Variants in ASTN2 observed in about 807,000 individuals in gnomAD.
ASTN2 encodes the protein astrotactin-2.
In ASTN2, 54 loss-of-function variants were observed where a neutral mutation model predicts 139.8. The observed-to-expected ratio is 0.39, with a 90% CI of 0.31 to 0.48. The LOEUF is 0.48. ASTN2 is among the 20% of genes least tolerant of loss of function. ASTN2 has a pLI of 0.95. For missense variants in ASTN2, 1,565 were observed against 1,725.1 expected (o/e 0.91, Z 1.64); for synonymous variants, 756 against 719.5 (o/e 1.05, Z -0.81).
At chr9:117,047,091 C>T (rs1439688540) in intron 5 of ASTN2, among the ~76,000 whole-genome samples, 1 of 152,140 alleles carries the variant, frequency 6.6e-6, no homozygotes, top group Non-Finnish European at 1.5e-5. Context: ...TCCCACAGCA[C>T]CTGAGCTCTG....
At chr9:116,936,225 TACCACCATCACC>T (rs1835077301) in intron 10 of ASTN2, among the ~76,000 whole-genome samples, 1 of 76,972 alleles carries the variant, frequency 1.3e-5, no homozygotes. Context: ...CCACCACCAC[TACCACCATCACC>T]ACCACCACCA....
At chr9:117,289,546 G>T (rs540424465) in intron 2 of ASTN2, among the ~76,000 whole-genome samples, 1 of 152,156 alleles carries the variant, frequency 6.6e-6, no homozygotes, top group African/African-American at 2.4e-5. Context: ...TTACAAGAAG[G>T]ATACATGCAA....
At chr9:117,320,545 T>C (rs755637668) in intron 1 of ASTN2, among the ~76,000 whole-genome samples, 1 of 152,128 alleles carries the variant, frequency 6.6e-6, no homozygotes, top group South Asian at 2.1e-4. Context: ...TAAGTAACTT[T>C]CCAAAAGTCA....
chr9:117,229,421 G>C (rs1341233618), intron 2 of ASTN2, among the ~76,000 whole-genome samples: 1 of 152,084 alleles, frequency 6.6e-6, no homozygotes, highest in Non-Finnish European at 1.5e-5. Context: ...GCTCCAGCTG[G>C]GCTACCCAAG....
At chr9:117,046,044 A>T (rs981010881) in intron 5 of ASTN2, among the ~76,000 whole-genome samples, 32 of 151,458 alleles carry the variant, frequency 2.1e-4, no homozygotes, top group Admixed American at 4.6e-4. Context: ...TCTGTCACCC[A>T]GGCTGGAGTG....
chr9:116,778,711 C>T (rs1346990289), intron 13 of ASTN2, among the ~76,000 whole-genome samples: 1 of 152,180 alleles, frequency 6.6e-6, no homozygotes, highest in Non-Finnish European at 1.5e-5. Context: ...CCATTTATAG[C>T]TGCTTTATTA....
intron 10 of ASTN2, among the ~76,000 whole-genome samples, chr9:116,944,944 T>A (rs1191347733): frequency 6.6e-6 from 1 of 152,148 alleles, no homozygotes; most frequent in African/African-American, 2.4e-5. Flanking sequence ...TTGTTGCTTA[T>A]ATCAGAAAGT....
intron 1 of ASTN2, among the ~76,000 whole-genome samples, chr9:117,394,612 C>T (rs1041668031): frequency 1.3e-5 from 2 of 152,164 alleles, no homozygotes; most frequent in East Asian, 1.9e-4. Context: ...GTAGCTTATA[C>T]GAAACAGGTA....
intron 17 of ASTN2, among the ~76,000 whole-genome samples, chr9:116,624,510 GGGGCTCTT>G (rs1214780489): frequency 2.6e-5 from 4 of 151,950 alleles, no homozygotes; most frequent in Non-Finnish European, 4.4e-5. Flanking sequence ...CAGAAGGAAG[GGGGCTCTT>G]CTAGCTCTAA....
chr9:116,496,633 T>C (rs563034093), intron 19 of ASTN2, among the ~76,000 whole-genome samples: 7 of 152,164 alleles, frequency 4.6e-5, no homozygotes, highest in Non-Finnish European at 1.0e-4. Context: ...CTGATTCCCA[T>C]TGGTTGGGTC....
chr9:117,117,579 A>C (rs1429519659), intron 4 of ASTN2, among the ~76,000 whole-genome samples: 1 of 152,164 alleles, frequency 6.6e-6, no homozygotes, highest in Non-Finnish European at 1.5e-5. Flanking sequence ...GTAGGAGCTA[A>C]CAAGTGTTGG....
rs976678579 is a variant in ASTN2, at chr9:117,374,537, C to T, written c.442+39960G>A. On this transcript the variant is annotated intron_variant, in intron 1 of 22. Coordinates refer to ENST00000313400, the MANE Select transcript of ASTN2 (RefSeq NM_001365068.1). ...ATTAATTCAAATGGACTGGGAGAGGCTGCATAGCTGCAAGGCTTGAAAATT... is the reference window on the plus strand; with the variant it reads ...ATTAATTCAAATGGACTGGGAGAGGTTGCATAGCTGCAAGGCTTGAAAATT... Among the ~76,000 whole-genome samples, 10 of 152,108 alleles carry T rather than the reference C, an allele frequency of 6.6e-5. No homozygotes were observed. In the East Asian group the frequency reaches 1.9e-3, roughly 29 times the overall value.
chr9:117,324,273 C>A (rs564688363), intron 1 of ASTN2, among the ~76,000 whole-genome samples: 1 of 152,222 alleles, frequency 6.6e-6, no homozygotes, highest in African/African-American at 2.4e-5. Context: ...ACAATAGATC[C>A]AAATATGGAT....
At chr9:117,393,310 T>A (rs1446987161) in intron 1 of ASTN2, among the ~76,000 whole-genome samples, 2 of 151,822 alleles carry the variant, frequency 1.3e-5, no homozygotes, top group East Asian at 3.9e-4. Flanking sequence ...AAAGAGAACT[T>A]GAGATTGTTG....
At chr9:117,276,960 C>T (rs1564121564) in intron 2 of ASTN2, 1 of 152,188 alleles carries the variant, frequency 6.6e-6, no homozygotes, top group African/African-American at 2.4e-5. Context: ...GACTTTCCCC[C>T]TAATGGTTTC....
intron 5 of ASTN2, among the ~76,000 whole-genome samples, chr9:117,060,533 G>GGAAA (rs1244898081): frequency 8.4e-5 from 10 of 118,800 alleles, no homozygotes; most frequent in East Asian, 2.6e-4. Flanking sequence ...AAGGAAGGAA[G>GGAAA]GAAAGAAAGA....
chr9:116,429,915 A>G (rs1847442364), intron 22 of ASTN2, among the ~76,000 whole-genome samples: 1 of 152,216 alleles, frequency 6.6e-6, no homozygotes, highest in Admixed American at 6.5e-5. Context: ...CAATAATGAA[A>G]CAGCATTTTC....
chr9:117,291,211 C>T lies in ASTN2; in HGVS notation c.630+115G>A, dbSNP rs1564129148. On this transcript the variant is annotated intron_variant, in intron 2 of 22. Transcript: ENST00000313400. ...CTGATTTTCTGTTTCTCATTCTAAC[C>T]TCTTGAGTTTGGTTCTTTCCTTCCA... 6.0e-6 allele frequency: 8 copies of T among 1,331,104 alleles called. No homozygotes were observed. The South Asian group carries it at 8.6e-5, about 14-fold the overall frequency. 82.5% of individuals were successfully genotyped at this position (1,331,104 alleles called of 1,614,324 possible).
intron 16 of ASTN2, among the ~76,000 whole-genome samples, chr9:116,681,421 A>G (rs574916499): frequency 6.6e-6 from 1 of 152,342 alleles, no homozygotes; most frequent in South Asian, 2.1e-4. Flanking sequence ...GGTAGGAAGA[A>G]TTAATATCGT....
Sources: gnomAD v4.1 joint callset for allele counts (sites outside exome capture counted in the v4.1 genomes callset) on GRCh38, gnomAD v4.1.1 for gene constraint, MANE v1.5 for transcripts, NCBI Gene and HGNC (gene_info 2026-07-23, HGNC 2026-07-21) for gene names.